The following GABRA3 variants were observed in gnomAD, a reference collection of about 807,000 sequenced individuals.
GABRA3 encodes gamma-aminobutyric acid type A receptor subunit alpha3.
Under a neutral mutation model 30.1 loss-of-function variants are expected in GABRA3, and 10 were observed. The ratio of observed to expected loss-of-function variants is 0.33; its 90% CI spans 0.20 to 0.56. The LOEUF (loss-of-function observed/expected upper bound fraction) is 0.56. GABRA3 is among the 20% of genes least tolerant of loss of function. The pLI, the probability that GABRA3 is intolerant of heterozygous loss-of-function variation, is 0.89. For synonymous variants in GABRA3, 151 were observed against 146.8 expected (o/e 1.03, Z -0.21); for missense variants, 233 against 392.0 (o/e 0.59, Z 3.42).
intron 1 of GABRA3, chrX:152,389,548 T>C (rs1929419523): frequency 1.8e-5 from 2 of 111,493 alleles, no homozygotes; most frequent in Non-Finnish European, 3.8e-5. Flanking sequence ...ACAGCAGCTA[T>C]ATAAGAGGAG....
intron 3 of GABRA3, among the ~76,000 whole-genome samples, chrX:152,321,618 AT>A (rs1263601774): frequency 9.0e-6 from 1 of 111,456 alleles, no homozygotes; most frequent in African/African-American, 3.3e-5. Flanking sequence ...CATTAATTTA[AT>A]TGGATCTCTT....
intron 1 of GABRA3, among the ~76,000 whole-genome samples, chrX:152,413,442 A>T (rs1013626201): frequency 1.8e-5 from 2 of 111,762 alleles, no homozygotes; most frequent in African/African-American, 6.5e-5. Context: ...TGAGTCCATC[A>T]AATATAAAAC....
chrX:152,202,578 G>C (rs940830189), intron 7 of GABRA3, among the ~76,000 whole-genome samples: 3 of 111,416 alleles, frequency 2.7e-5, no homozygotes, highest in African/African-American at 9.8e-5. Flanking sequence ...ATAAAGAATA[G>C]AGAGACAACA....
chrX:152,199,178 A>G (rs1382315771), intron 7 of GABRA3, among the ~76,000 whole-genome samples: 1 of 109,881 alleles, frequency 9.1e-6, no homozygotes, highest in Non-Finnish European at 1.9e-5. Context: ...CATCCTGGCT[A>G]ACATGGTGAA....
At chrX:152,293,148 G>T (rs1247020736) in intron 3 of GABRA3, among the ~76,000 whole-genome samples, 2 of 110,976 alleles carry the variant, frequency 1.8e-5, no homozygotes, top group Admixed American at 1.9e-4. Flanking sequence ...ATTGACAGTG[G>T]GGTGTTAAAG....
At chrX:152,371,638 T>C (rs1928844236) in intron 1 of GABRA3, among the ~76,000 whole-genome samples, 1 of 111,507 alleles carries the variant, frequency 9.0e-6, no homozygotes, top group African/African-American at 3.3e-5. Context: ...TTTCTCAATT[T>C]TTCTGCCTGC....
intron 5 of GABRA3, among the ~76,000 whole-genome samples, chrX:152,249,213 C>G (rs890849200): frequency 1.8e-5 from 2 of 111,019 alleles, no homozygotes; most frequent in South Asian, 3.8e-4. Context: ...TCCTAGGCAA[C>G]TTATTTACTT....
intron 5 of GABRA3, among the ~76,000 whole-genome samples, chrX:152,252,590 T>G (rs1938574928): frequency 8.9e-6 from 1 of 111,856 alleles, no homozygotes; most frequent in Non-Finnish European, 1.9e-5. Flanking sequence ...ATATTGATGT[T>G]AATTAATAAT....
chrX:152,179,153 ATTTC>A (rs995426204), intron 9 of GABRA3, among the ~76,000 whole-genome samples: 1 of 111,542 alleles, frequency 9.0e-6, no homozygotes, highest in African/African-American at 3.3e-5. Context: ...TATAATTTTT[ATTTC>A]TATTTATTCA....
chrX:152,210,338 T>TA lies in GABRA3; in HGVS notation c.635-2195dup, dbSNP rs1478085544. On this transcript the variant is annotated intron_variant, in intron 6 of 9. Coordinates refer to ENST00000370314, the MANE Select transcript of GABRA3 (RefSeq NM_000808.4). ...GCCATCTCAGCATGTCTTAATTTTT[T>TA]AAAAAAATTGATAGATATGGTACAA... 3.0e-4 allele frequency among the ~76,000 whole-genome samples: 34 copies of TA among 112,077 alleles called. 1 individual carries two copies. The highest frequency in any genetic ancestry group is 1.9e-5 in the Non-Finnish European group (1 of 53,238).
At chrX:152,444,493 T>C (rs1418336416) in intron 1 of GABRA3, among the ~76,000 whole-genome samples, 1 of 111,315 alleles carries the variant, frequency 9.0e-6, no homozygotes, top group East Asian at 2.8e-4. Flanking sequence ...AATAACTTGC[T>C]AACAACCAAG....
At chrX:152,334,763 A>G (rs1036680064) in intron 3 of GABRA3, among the ~76,000 whole-genome samples, 1 of 111,605 alleles carries the variant, frequency 9.0e-6, no homozygotes, top group Non-Finnish European at 1.9e-5. Context: ...AAAATCAAAA[A>G]AAAATTATTC....
chrX:152,382,163 C>G (rs1465226695), intron 1 of GABRA3, among the ~76,000 whole-genome samples: 1 of 111,991 alleles, frequency 8.9e-6, no homozygotes, highest in Non-Finnish European at 1.9e-5. Flanking sequence ...ATGCAGCCAA[C>G]AAACATATGA....
intron 4 of GABRA3, among the ~76,000 whole-genome samples, chrX:152,278,117 C>CT (rs1175370924): frequency 1.8e-5 from 2 of 111,392 alleles, no homozygotes; most frequent in Non-Finnish European, 3.8e-5. Context: ...ATGAAATAGT[C>CT]TTTTTTTTAA....
intron 1 of GABRA3, among the ~76,000 whole-genome samples, chrX:152,407,331 C>A: frequency 9.0e-6 from 1 of 110,561 alleles, no homozygotes; most frequent in Non-Finnish European, 1.9e-5. Context: ...AAATATTTAG[C>A]CCAACTAACT....
chrX:152,428,810 A>T (rs1261141101), intron 1 of GABRA3, among the ~76,000 whole-genome samples: 2 of 112,042 alleles, frequency 1.8e-5, no homozygotes, highest in East Asian at 5.6e-4. Context: ...ACATTTGGCA[A>T]GCATACACCC....
intron 1 of GABRA3, among the ~76,000 whole-genome samples, chrX:152,381,705 C>A (rs1032738426): frequency 9.1e-6 from 1 of 109,631 alleles, no homozygotes; most frequent in Non-Finnish European, 1.9e-5. Flanking sequence ...CCTAACCCCC[C>A]CCACCCACCA....
intron 1 of GABRA3, chrX:152,389,249 T>C (rs1317665679): frequency 8.9e-6 from 1 of 111,949 alleles, no homozygotes; most frequent in East Asian, 2.8e-4. Context: ...TCAACAGCGT[T>C]TTATAATTTG....
chrX:152,448,864 T>C (rs964039526), intron 1 of GABRA3, among the ~76,000 whole-genome samples: 1 of 110,990 alleles, frequency 9.0e-6, no homozygotes, highest in African/African-American at 3.3e-5. Flanking sequence ...TTCTGGTCTT[T>C]AGGAATATGA....
Sources: gnomAD v4.1 joint callset for allele counts (sites outside exome capture counted in the v4.1 genomes callset) on GRCh38, gnomAD v4.1.1 for gene constraint, MANE v1.5 for transcripts, NCBI Gene and HGNC (gene_info 2026-07-23, HGNC 2026-07-21) for gene names.